The following PTPRM variants were observed in gnomAD, a reference collection of about 807,000 sequenced individuals.
The protein encoded by PTPRM is receptor-type tyrosine-protein phosphatase mu.
PTPRM carries 47 observed loss-of-function variants against 186.7 expected under a neutral mutation model. The ratio of observed to expected loss-of-function variants is 0.25; its 90% confidence interval spans 0.20 to 0.32. The LOEUF (loss-of-function observed/expected upper bound fraction) is 0.32. PTPRM is among the 10% of genes least tolerant of loss of function. The pLI, the probability that PTPRM is intolerant of heterozygous loss-of-function variation, is 1.00. For missense variants in PTPRM, 1,494 were observed against 1,865.0 expected (o/e 0.80, Z 3.66); for synonymous variants, 668 against 674.9 (o/e 0.99, Z 0.16).
intron 7 of PTPRM, among the ~76,000 whole-genome samples, chr18:8,064,279 T>G (rs182739988): frequency 6.6e-6 from 1 of 152,176 alleles, no homozygotes; most frequent in Non-Finnish European, 1.5e-5. Flanking sequence ...AAGAAAGACA[T>G]GGTGAGACTA....
At chr18:8,124,387 A>G (rs1481530035) in intron 13 of PTPRM, among the ~76,000 whole-genome samples, 1 of 152,112 alleles carries the variant, frequency 6.6e-6, no homozygotes, top group East Asian at 1.9e-4. Flanking sequence ...TTTTTAAGGG[A>G]TTTATTCATG....
intron 19 of PTPRM, among the ~76,000 whole-genome samples, chr18:8,262,273 A>G (rs1483409586): frequency 6.6e-6 from 1 of 151,966 alleles, no homozygotes; most frequent in Non-Finnish European, 1.5e-5. Flanking sequence ...TCCCCTTCAA[A>G]TCTGTTCCAG....
chr18:8,031,417 G>C (rs1049931298), intron 7 of PTPRM, among the ~76,000 whole-genome samples: 1 of 152,196 alleles, frequency 6.6e-6, no homozygotes, highest in Non-Finnish European at 1.5e-5. Context: ...TTGGAGGCCA[G>C]AGGGGCCTGT....
rs2143270039 is a variant in PTPRM, at chr18:7,567,718, C to T, written c.-101C>T. ...CTTGGCTTAGCGCTCTGCTGTTTAC[C>T]CGTCTCTCCTCGCTGCCTCGGAACC... On this transcript the variant is annotated 5_prime_UTR_variant, in exon 1 of 33. Coordinates refer to ENST00000580170, the MANE Select transcript of PTPRM (RefSeq NM_001105244.2). This position sits in a 1 kb window ranked among gnomAD's most constrained non-coding sequence, Gnocchi z 4.3. The T allele has an allele frequency of 2.8e-6, 3 of 1,074,162 alleles. No individual in the cohort carries two copies. The highest frequency in any genetic ancestry group is 3.5e-5 in the South Asian group (2 of 57,554). 66.5% of individuals were successfully genotyped at this position (1,074,162 alleles called of 1,614,324 possible).
chr18:7,766,486 C>A (rs2042019624), intron 1 of PTPRM, among the ~76,000 whole-genome samples: 1 of 152,172 alleles, frequency 6.6e-6, no homozygotes, highest in Non-Finnish European at 1.5e-5. Flanking sequence ...CAGTGGATGG[C>A]AGAGGAGTTA....
intron 14 of PTPRM, among the ~76,000 whole-genome samples, chr18:8,243,252 A>G (rs1350934642): frequency 6.6e-6 from 1 of 152,204 alleles, no homozygotes; most frequent in African/African-American, 2.4e-5. Context: ...TCTCCAAAAG[A>G]ATTAGAAATC....
chr18:8,372,056 C>CTTTTTTTTTTTTTTTTTTTTTTTTT lies in PTPRM; in HGVS notation c.3171+1052_3171+1076dup, dbSNP rs557766971. On this transcript the variant is annotated intron_variant, in intron 24 of 32. Coordinates refer to ENST00000580170, the MANE Select transcript of PTPRM (RefSeq NM_001105244.2). Reference sequence around the variant, plus strand: ...TTGGCCTTCCTCTCCACTCTATATTCTTTTTTTTTTTTTTTTTTTTTTTTT... The same window carrying CTTTTTTTTTTTTTTTTTTTTTTTTT: ...TTGGCCTTCCTCTCCACTCTATATTCTTTTTTTTTTTTTTTTTTTTTTTTTTTTTTTTTTTTTTTTTTTTTTTTTT... Among the ~76,000 whole-genome samples the CTTTTTTTTTTTTTTTTTTTTTTTTT allele has an allele frequency of 2.2e-4, 13 of 59,062 alleles. 2 individuals carry two copies. The highest frequency in any genetic ancestry group is 3.0e-4 in the Non-Finnish European group (8 of 26,306). The allele number at this position is 59,062 out of a possible 152,430, so 38.7% of individuals were successfully genotyped here.
intron 1 of PTPRM, among the ~76,000 whole-genome samples, chr18:7,585,534 G>T (rs925373378): frequency 6.6e-6 from 1 of 152,188 alleles, no homozygotes; most frequent in African/African-American, 2.4e-5. Flanking sequence ...GAAAAGTGTT[G>T]AGTATTGGGG....
chr18:7,929,806 C>A (rs1599568396), intron 5 of PTPRM, among the ~76,000 whole-genome samples: 1 of 152,098 alleles, frequency 6.6e-6, no homozygotes, highest in South Asian at 2.1e-4. Flanking sequence ...TTTTCTCAGT[C>A]CATTCTTTAG....
chr18:7,849,373 C>G (rs1006063074), intron 2 of PTPRM, among the ~76,000 whole-genome samples: 1 of 152,204 alleles, frequency 6.6e-6, no homozygotes, highest in African/African-American at 2.4e-5. Context: ...ATTCCCTGCC[C>G]TGGCAATCTT....
At chr18:7,802,380 G>A (rs573640694) in intron 2 of PTPRM, among the ~76,000 whole-genome samples, 2 of 152,242 alleles carry the variant, frequency 1.3e-5, no homozygotes, top group African/African-American at 2.4e-5. Flanking sequence ...GGCAGAGGAC[G>A]GTAAAGATGA....
intron 1 of PTPRM, among the ~76,000 whole-genome samples, chr18:7,591,756 G>A (rs767959980): frequency 2.6e-5 from 4 of 152,130 alleles, no homozygotes; most frequent in African/African-American, 7.2e-5. Context: ...TAATTGAACC[G>A]TGTTTATTTT....
Position 8,009,323 on chromosome 18 carries a change from C to CTTT in PTPRM, c.1132+53922_1132+53924dup, listed in dbSNP as rs71354585. 1.6e-3 allele frequency among the ~76,000 whole-genome samples: 231 copies of CTTT among 145,452 alleles called. 2 individuals are homozygous for CTTT. The highest frequency in any genetic ancestry group is 5.2e-3 in the African/African-American group (206 of 39,434). On this transcript the variant is annotated intron_variant, in intron 7 of 32. Coordinates refer to ENST00000580170, the MANE Select transcript of PTPRM (RefSeq NM_001105244.2). ...AGTTATACCTTATTGGCTTCCATAA[C>CTTT]TTTTTTTTTTTTTTTACCCTGAAAG...
At chr18:8,226,349 CAAGT>C (rs1189077995) in intron 14 of PTPRM, among the ~76,000 whole-genome samples, 1 of 148,058 alleles carries the variant, frequency 6.8e-6, no homozygotes, top group Non-Finnish European at 1.5e-5. Context: ...TTCTTATTAA[CAAGT>C]AAGAACCTTT....
Position 8,344,686 on chromosome 18 carries a change from C to T in PTPRM, c.3054+1166C>T, listed in dbSNP as rs546619983. Among the ~76,000 whole-genome samples, 16 of 151,916 alleles carry T rather than the reference C, an allele frequency of 1.1e-4. No homozygotes were observed. The South Asian group carries it at 2.9e-3, about 28-fold the overall frequency. ...ACTAGAGATCCTAGGGAGTGTAGCG[C>T]TTGCATGCACCCTTAGGAGGCTGGG... On this transcript the variant is annotated intron_variant, in intron 23 of 32. Coordinates refer to ENST00000580170, the MANE Select transcript of PTPRM (RefSeq NM_001105244.2).
intron 14 of PTPRM, among the ~76,000 whole-genome samples, chr18:8,219,327 C>T (rs933689116): frequency 7.2e-5 from 11 of 151,926 alleles, no homozygotes; most frequent in African/African-American, 1.7e-4. Flanking sequence ...ATTAGCCGGG[C>T]GTGGTGGAGG....
intron 1 of PTPRM, among the ~76,000 whole-genome samples, chr18:7,660,729 G>C (rs1405835164): frequency 1.3e-5 from 2 of 152,154 alleles, no homozygotes; most frequent in African/African-American, 2.4e-5. Context: ...CTGGTTTAGC[G>C]TGGCCTTGGC....
intron 1 of PTPRM, among the ~76,000 whole-genome samples, chr18:7,692,756 C>T (rs1434569934): frequency 6.6e-6 from 1 of 152,144 alleles, no homozygotes; most frequent in Non-Finnish European, 1.5e-5. Flanking sequence ...CAGCAACATG[C>T]CATACCTCGT....
intron 2 of PTPRM, among the ~76,000 whole-genome samples, chr18:7,782,425 TGTA>T (rs1236579498): frequency 6.6e-6 from 1 of 152,224 alleles, no homozygotes; most frequent in Non-Finnish European, 1.5e-5. Flanking sequence ...TTTTAAAAAA[TGTA>T]GTAGAATATA....
Sources: gnomAD v4.1 joint callset for allele counts (sites outside exome capture counted in the v4.1 genomes callset) on GRCh38, gnomAD v4.1.1 for gene constraint, Gnocchi (gnomAD v3.1) non-coding constraint, MANE v1.5 for transcripts, NCBI Gene and HGNC (gene_info 2026-07-23, HGNC 2026-07-21) for gene names.